MTSS1: variants seen among roughly 807,000 people sequenced by gnomAD.
The protein encoded by MTSS1 is MTSS I-BAR domain containing 1.
Under a neutral mutation model 79.0 loss-of-function variants are expected in MTSS1, and 18 were observed. The observed-to-expected ratio is 0.23, with a 90% CI of 0.16 to 0.34. The LOEUF is 0.34. MTSS1 is among the 10% of genes least tolerant of loss of function. The pLI is 1.00. For synonymous variants in MTSS1, 341 were observed against 368.6 expected (o/e 0.93, Z 0.86); for missense variants, 815 against 986.2 (o/e 0.83, Z 2.33).
At position 124,568,486 on chromosome 8, in the gene MTSS1, C is replaced by G. The variant is rs563133330; in HGVS notation, c.511G>C (p.Asp171His). ...QLDSALQDVN[D>H]KYLLLEETEK... ...GTTTCTTCCAATAAGAGATACTTAT[C>G]ATTGACATCTTGGAGAGCACTGTCC... The change falls in exon 7 of 14, where the codon GAT becomes CAT. Residue 171 changes from aspartate (D) to histidine (H), a missense_variant. By Grantham distance (81) the Asp-to-His change is moderately conservative (BLOSUM62 -1). Around this residue, in one of 2 missense-constraint regions of MTSS1, gnomAD observed 225 missense variants for 365.4 expected, o/e 0.62. Transcript: ENST00000518547. The G allele has an allele frequency of 6.2e-7, 1 of 1,614,034 alleles. No individual in the cohort carries two copies. The highest frequency in any genetic ancestry group is 8.5e-7 in the Non-Finnish European group (1 of 1,180,032).
In MTSS1 at chr8:124,727,536, G is replaced by T. The variant is rs1252800907; in HGVS notation, c.72+348C>A. 2.1e-6 allele frequency: 1 copy of T among 480,624 alleles called. No homozygotes were observed. The highest frequency in any genetic ancestry group is 1.5e-5 in the South Asian group (1 of 64,616). The allele number at this position is 480,624 out of a possible 1,614,324, so 29.8% of individuals were successfully genotyped here. A position where few individuals can be genotyped will look rare whatever the true frequency, so the allele number is the denominator to read the frequency against. ...AATCAGGTGTCCTCCCGGGCATCCAGCCCCCGCGGGTCCCAGACACTTACT... is the reference window on the plus strand; with the variant it reads ...AATCAGGTGTCCTCCCGGGCATCCATCCCCCGCGGGTCCCAGACACTTACT... On this transcript the variant is annotated intron_variant, in intron 1 of 13. Coordinates refer to ENST00000518547, the MANE Select transcript of MTSS1 (RefSeq NM_014751.6). The surrounding 1 kb of genome is among the most constrained non-coding windows in gnomAD (Gnocchi z 4.7).
At chr8:124,575,594 T>C (rs1828818228) in intron 6 of MTSS1, among the ~76,000 whole-genome samples, 1 of 152,044 alleles carries the variant, frequency 6.6e-6, no homozygotes, top group South Asian at 2.1e-4. Flanking sequence ...GTTGTTTGTT[T>C]GTTTGTTTTT....
intron 3 of MTSS1, among the ~76,000 whole-genome samples, chr8:124,682,014 C>T (rs1826203593): frequency 6.6e-6 from 1 of 152,138 alleles, no homozygotes; most frequent in Admixed American, 6.5e-5. Flanking sequence ...GTTATCACAT[C>T]CAATTTACAG....
At chr8:124,625,395 T>A (rs1034495298) in intron 3 of MTSS1, among the ~76,000 whole-genome samples, 3 of 152,196 alleles carry the variant, frequency 2.0e-5, no homozygotes, top group African/African-American at 7.2e-5. Context: ...CTAGGCACTG[T>A]ACCTATCAAA....
chr8:124,556,156 C>T (rs1412114126), intron 12 of MTSS1, 76 bp downstream of exon 12: 1 of 1,602,990 alleles, frequency 6.2e-7, no homozygotes, highest in Non-Finnish European at 8.5e-7. Flanking sequence ...GCCTTGGCCC[C>T]CCAGTTGCTG....
intron 6 of MTSS1, among the ~76,000 whole-genome samples, chr8:124,576,220 G>C (rs1828928845): frequency 6.6e-6 from 1 of 152,124 alleles, no homozygotes; most frequent in South Asian, 2.1e-4. Flanking sequence ...TTGTAAATAT[G>C]GTGCTTTCCT....
rs534128090 is a variant in MTSS1, at chr8:124,555,823, G to A, written c.1486C>T (p.Arg496Trp). 7.4e-6 allele frequency: 12 copies of A among 1,613,474 alleles called. No homozygotes were observed. The highest frequency in any genetic ancestry group is 6.7e-5 in the East Asian group (3 of 44,864). Residue 496 changes from arginine (R) to tryptophan (W), a missense_variant, in exon 13 of 14, where the codon CGG becomes TGG. Coordinates refer to ENST00000518547, the MANE Select transcript of MTSS1 (RefSeq NM_014751.6). ...GLQLDTQRSS[R>W]DSLQCSSGYS... is the part of the protein sequence containing the mutation. The stretch of plus-strand genomic sequence containing the variant: ...CCGCTGGAGCACTGAAGCGAGTCCC[G>A]GCTGCTCCTCTGGGTGTCCAGCTGC...
Position 124,659,774 on chromosome 8 carries a change from C to T in MTSS1, c.208+39752G>A, listed in dbSNP as rs540411275. Among the ~76,000 whole-genome samples the T allele has an allele frequency of 5.9e-5, 9 of 152,352 alleles. No homozygotes were observed. In the South Asian group the frequency reaches 1.7e-3, roughly 28 times the overall value. On this transcript the variant is annotated intron_variant, in intron 3 of 13. Transcript: ENST00000518547. ...GACAACACCTGGGCCGCTCCGCTCC[C>T]ACCTGGGTAACATGAAGATAGCAAC... is the stretch of plus-strand genomic sequence containing the variant.
intron 3 of MTSS1, among the ~76,000 whole-genome samples, chr8:124,639,506 G>C (rs1391810298): frequency 1.3e-5 from 2 of 151,614 alleles, no homozygotes; most frequent in Admixed American, 1.3e-4. Context: ...ACAGGGTCTT[G>C]TTCTGTGTCA....
chr8:124,692,838 G>A (rs563664551), intron 3 of MTSS1, among the ~76,000 whole-genome samples: 23 of 152,192 alleles, frequency 1.5e-4, no homozygotes, highest in African/African-American at 4.8e-4. Flanking sequence ...GCACGCAGTC[G>A]TTCATTCAGC....
At chr8:124,580,681 C>T in intron 6 of MTSS1, 2 of 1,223,834 alleles carry the variant, frequency 1.6e-6, no homozygotes, top group South Asian at 2.7e-5. Flanking sequence ...ATGTGTTAAA[C>T]AGTCCATGGC....
At chr8:124,636,023 G>A (rs1816911899) in intron 3 of MTSS1, among the ~76,000 whole-genome samples, 3 of 152,188 alleles carry the variant, frequency 2.0e-5, no homozygotes, top group Admixed American at 2.0e-4. Flanking sequence ...ACTGGAGGGT[G>A]GAGGGTGCAG....
intron 11 of MTSS1, among the ~76,000 whole-genome samples, chr8:124,557,261 A>G (rs934088876): frequency 2.6e-5 from 4 of 152,236 alleles, no homozygotes; most frequent in African/African-American, 9.6e-5. Flanking sequence ...AAAATGGGAA[A>G]CATGGCCAGA....
At chr8:124,722,287 G>T (rs902522628) in intron 1 of MTSS1, among the ~76,000 whole-genome samples, 1 of 152,078 alleles carries the variant, frequency 6.6e-6, no homozygotes, top group Non-Finnish European at 1.5e-5. Context: ...AGCCCCCAGA[G>T]AATCTTAAAC....
At chr8:124,606,207 T>C (rs554644196) in intron 3 of MTSS1, among the ~76,000 whole-genome samples, 8 of 149,608 alleles carry the variant, frequency 5.3e-5, no homozygotes, top group Non-Finnish European at 1.0e-4. Flanking sequence ...AGTTTCACTC[T>C]TGTGGCCCAG....
At chr8:124,660,002 G>T (rs569545653) in intron 3 of MTSS1, among the ~76,000 whole-genome samples, 1 of 152,210 alleles carries the variant, frequency 6.6e-6, no homozygotes, top group Non-Finnish European at 1.5e-5. Flanking sequence ...ACTTGAATAA[G>T]AGCCATAGAG....
intron 1 of MTSS1, among the ~76,000 whole-genome samples, chr8:124,716,093 CAGAA>C (rs1275409684): frequency 1.3e-5 from 2 of 152,168 alleles, no homozygotes; most frequent in Non-Finnish European, 2.9e-5. Flanking sequence ...GGGCCATAGA[CAGAA>C]AGAGACCAAA....
At chr8:124,604,717 A>G (rs1256598501) in intron 3 of MTSS1, among the ~76,000 whole-genome samples, 1 of 152,200 alleles carries the variant, frequency 6.6e-6, no homozygotes, top group African/African-American at 2.4e-5. Flanking sequence ...AGGTAGGGTC[A>G]GCATCACATT....
chr8:124,718,827 T>C (rs1309389650), intron 1 of MTSS1, among the ~76,000 whole-genome samples: 1 of 152,116 alleles, frequency 6.6e-6, no homozygotes, highest in Non-Finnish European at 1.5e-5. Flanking sequence ...GACAACCCTA[T>C]TGCACACTTC....
Sources: allele counts gnomAD v4.1 joint callset (sites outside exome capture counted in the v4.1 genomes callset), GRCh38; gene constraint gnomAD v4.1.1; regional missense constraint gnomAD v4.1.1; non-coding constraint Gnocchi (gnomAD v3.1); transcripts MANE v1.5; gene names NCBI Gene and HGNC (gene_info 2026-07-23, HGNC 2026-07-21).